The following PTK2 variants were observed in gnomAD, a reference collection of about 807,000 sequenced individuals.
The protein encoded by PTK2 is protein tyrosine kinase 2, also known as focal adhesion kinase 1.
Under a neutral mutation model 150.1 loss-of-function variants are expected in PTK2, and 45 were observed. That is an observed-to-expected ratio of 0.30 (90% CI 0.24 to 0.38). PTK2 has a LOEUF of 0.38. Among genes scored for constraint, PTK2 ranks in the 10% least tolerant of loss-of-function variants. PTK2 has a pLI of 1.00. For missense variants in PTK2, 919 were observed against 1,307.3 expected, an observed-to-expected ratio of 0.70 and a Z score of 4.58; for synonymous variants, 432 against 449.2, an observed-to-expected ratio of 0.96 and a Z score of 0.48.
intron 22 of PTK2, among the ~76,000 whole-genome samples, chr8:140,725,128 T>C (rs969128885): frequency 1.3e-5 from 2 of 151,538 alleles, no homozygotes; most frequent in African/African-American, 4.8e-5. Flanking sequence ...ACTAAGACTG[T>C]ACCTTTATTT....
intron 14 of PTK2, among the ~76,000 whole-genome samples, chr8:140,768,715 C>T (rs1386089403): frequency 1.3e-5 from 2 of 152,190 alleles, no homozygotes; most frequent in Non-Finnish European, 2.9e-5. Flanking sequence ...ATGCAGAAAG[C>T]TCTAGATGAA....
intron 1 of PTK2, among the ~76,000 whole-genome samples, chr8:140,975,611 G>C (rs2100188985): frequency 6.6e-6 from 1 of 152,152 alleles, no homozygotes; most frequent in South Asian, 2.1e-4. Flanking sequence ...AGAGGGGGGA[G>C]GGGGAAGAAA....
At chr8:140,822,579 T>A (rs773548518) in intron 8 of PTK2, among the ~76,000 whole-genome samples, 1 of 152,230 alleles carries the variant, frequency 6.6e-6, no homozygotes, top group Non-Finnish European at 1.5e-5. Flanking sequence ...TCTTTTTACT[T>A]GCTATGAGAC....
intron 12 of PTK2, among the ~76,000 whole-genome samples, chr8:140,800,076 A>G (rs1005790150): frequency 6.6e-6 from 1 of 152,218 alleles, no homozygotes; most frequent in Non-Finnish European, 1.5e-5. Flanking sequence ...ATATATAAGA[A>G]AAAGTAGAAA....
Position 140,807,977 on chromosome 8 carries a change from G to A in PTK2, c.868-4327C>T, listed in dbSNP as rs893240997. Among the ~76,000 whole-genome samples, 9 of 152,198 alleles carry A rather than the reference G, an allele frequency of 5.9e-5. 1 individual carries two copies. The highest frequency in any genetic ancestry group is 6.5e-5 in the Admixed American group (1 of 15,280). Reference sequence around the variant, plus strand: ...GGACGGTGGTAGTGTAATGGTAGTAGGCAGGAAAGGCCTGGTTGAAGCAGG... The same window carrying A: ...GGACGGTGGTAGTGTAATGGTAGTAAGCAGGAAAGGCCTGGTTGAAGCAGG... On this transcript the variant is annotated intron_variant, in intron 10 of 31. Transcript: ENST00000522684.
chr8:140,903,327 T>TC (rs2100159525), intron 2 of PTK2, among the ~76,000 whole-genome samples: 1 of 152,146 alleles, frequency 6.6e-6, no homozygotes, highest in Non-Finnish European at 1.5e-5. Flanking sequence ...TCTGTTCTGT[T>TC]CCACTGGTCT....
At chr8:140,797,385 G>A (rs1314215179) in intron 12 of PTK2, among the ~76,000 whole-genome samples, 3 of 152,100 alleles carry the variant, frequency 2.0e-5, no homozygotes, top group African/African-American at 7.2e-5. Flanking sequence ...CTTTAAAAAT[G>A]TTACCTTGTA....
At chr8:140,912,735 C>T (rs1452128314) in intron 2 of PTK2, among the ~76,000 whole-genome samples, 3 of 152,002 alleles carry the variant, frequency 2.0e-5, no homozygotes, top group Non-Finnish European at 2.9e-5. Flanking sequence ...CCGAGGCGGG[C>T]GGATCACAAC....
rs1314785141 is a variant in PTK2, at chr8:140,670,530, CACACACACAT to C, written c.2710-2116_2710-2107del. On this transcript the variant is annotated intron_variant, in intron 29 of 31. Coordinates refer to ENST00000522684, the Ensembl canonical transcript of PTK2. ...ACACACACACACACACACACACACA[CACACACACAT>C]TGGGAGCTTATTTTAAAAACAAAAA... Among the ~76,000 whole-genome samples the C allele has an allele frequency of 3.0e-4, 36 of 121,488 alleles. 1 individual carries two copies. The highest frequency in any genetic ancestry group is 1.1e-3 in the African/African-American group (34 of 32,036). 79.7% of individuals were successfully genotyped at this position (121,488 alleles called of 152,430 possible). A position where few individuals can be genotyped will look rare whatever the true frequency, so the allele number is the denominator to read the frequency against.
intron 1 of PTK2, among the ~76,000 whole-genome samples, chr8:140,938,581 T>C (rs997484727): frequency 6.6e-6 from 1 of 152,164 alleles, no homozygotes; most frequent in Admixed American, 6.5e-5. Context: ...CATCTCAGGA[T>C]AATCTGGAGC....
intron 1 of PTK2, among the ~76,000 whole-genome samples, chr8:141,000,514 G>A (rs1348436511): frequency 1.3e-5 from 2 of 152,160 alleles, no homozygotes; most frequent in African/African-American, 4.8e-5. Flanking sequence ...TCCTCCTCCT[G>A]CCTCTCCCCT....
chr8:140,812,947 C>T (rs1042131844), intron 10 of PTK2, among the ~76,000 whole-genome samples: 1 of 152,146 alleles, frequency 6.6e-6, no homozygotes, highest in African/African-American at 2.4e-5. Context: ...GACTTTAACA[C>T]CCCACTGACA....
chr8:140,902,680 T>C (rs911864126), intron 2 of PTK2, among the ~76,000 whole-genome samples: 3 of 152,208 alleles, frequency 2.0e-5, no homozygotes, highest in African/African-American at 7.2e-5. Flanking sequence ...TATTTCACTG[T>C]GGTTTTGCTT....
At chr8:140,711,033 G>A (rs1423841818) in intron 23 of PTK2, among the ~76,000 whole-genome samples, 3 of 152,210 alleles carry the variant, frequency 2.0e-5, no homozygotes, top group Admixed American at 6.5e-5. Context: ...TGCCTCCCGA[G>A]TTTGAGTGAT....
At chr8:140,681,238 A>T (rs945698956) in intron 27 of PTK2, among the ~76,000 whole-genome samples, 1 of 151,936 alleles carries the variant, frequency 6.6e-6, no homozygotes, top group Non-Finnish European at 1.5e-5. Flanking sequence ...CTGTAATCCC[A>T]GCTACTTGGG....
In PTK2 at chr8:140,664,799, C is replaced by T. The variant is rs28573250; in HGVS notation, c.2946+118G>A. On this transcript the variant is annotated intron_variant, in intron 31 of 31. Coordinates refer to ENST00000522684, the Ensembl canonical transcript of PTK2. ...AGAGGGAAGGTCATCGCTTGTAGGG[C>T]AGTTGATGTCTCTGCTGGCCACAGA... 4,832 of 965,580 alleles carry T rather than the reference C, an allele frequency of 5.0e-3. 153 individuals carry two copies. In the African/African-American group the frequency reaches 0.068, roughly 14 times the overall value. The allele number at this position is 965,580 out of a possible 1,614,324, so 59.8% of individuals were successfully genotyped here. A position where few individuals can be genotyped will look rare whatever the true frequency, so the allele number is the denominator to read the frequency against.
chr8:140,772,733 C>T (rs930198215), intron 14 of PTK2, among the ~76,000 whole-genome samples: 4 of 151,772 alleles, frequency 2.6e-5, no homozygotes, highest in African/African-American at 7.3e-5. Flanking sequence ...AACAAAAAAC[C>T]CATAGAGTGA....
chr8:140,735,858 T>C (rs1411585631), intron 21 of PTK2, among the ~76,000 whole-genome samples: 1 of 152,198 alleles, frequency 6.6e-6, no homozygotes, highest in African/African-American at 2.4e-5. Context: ...AAGAAAATCC[T>C]AGGATAAGTC....
chr8:140,746,512 C>T (rs1432416215), intron 18 of PTK2: 5 of 345,102 alleles, frequency 1.4e-5, no homozygotes, highest in Admixed American at 4.7e-5. Context: ...TGGCCATCTG[C>T]GGCTACCAAT....
Sources: allele counts gnomAD v4.1 joint callset (sites outside exome capture counted in the v4.1 genomes callset), GRCh38; gene constraint gnomAD v4.1.1; transcripts MANE v1.5; gene names NCBI Gene and HGNC (gene_info 2026-07-23, HGNC 2026-07-21).